The following NUCB2 variants were observed in gnomAD, a reference collection of about 807,000 sequenced individuals.
The protein encoded by NUCB2 is nucleobindin 2.
A neutral mutation model predicts 57.9 loss-of-function variants in NUCB2; 48 were observed. The ratio of observed to expected loss-of-function variants is 0.83; its 90% CI spans 0.66 to 1.05. NUCB2 has a LOEUF of 1.05. Among genes scored for constraint, NUCB2 ranks in the 50% least tolerant of loss-of-function variants. The pLI is 0.00. For missense variants in NUCB2, 442 were observed against 476.2 expected (o/e 0.93, Z 0.67); for synonymous variants, 139 against 152.1 (o/e 0.91, Z 0.64).
rs1167995024 is a variant in NUCB2 at position 17,288,882 on chromosome 11, TACACACACACACACACACACAC to T, written c.-1+5987_-1+6008del. ...TAAAGTCTATTTAATAACATGTATATACACACACACACACACACACACACACACACACACACACACACACACA... is the reference window on the plus strand; with the variant it reads ...TAAAGTCTATTTAATAACATGTATATACACACACACACACACACACACACA... On this transcript the variant is annotated intron_variant, in intron 2 of 13. Transcript: ENST00000529010. Among the ~76,000 whole-genome samples the T allele has an allele frequency of 5.1e-3, 229 of 44,672 alleles. 25 individuals are homozygous for T. In the East Asian group the frequency reaches 0.081, roughly 16 times the overall value. 29.3% of individuals were successfully genotyped at this position (44,672 alleles called of 152,430 possible).
At chr11:17,292,875 G>T (rs1022822048) in intron 2 of NUCB2, among the ~76,000 whole-genome samples, 1 of 152,196 alleles carries the variant, frequency 6.6e-6, no homozygotes, top group African/African-American at 2.4e-5. Context: ...TAAGCATGGG[G>T]ATCAATTAAA....
chr11:17,317,264 T>C (rs1949376955), intron 11 of NUCB2, among the ~76,000 whole-genome samples: 1 of 152,148 alleles, frequency 6.6e-6, no homozygotes, highest in Non-Finnish European at 1.5e-5. Context: ...GTATAACATA[T>C]AATTATGTTG....
At chr11:17,344,901 G>C (rs553268273) in intron 2 of NUCB2, among the ~76,000 whole-genome samples, 2 of 152,320 alleles carry the variant, frequency 1.3e-5, no homozygotes, top group Admixed American at 6.5e-5. Flanking sequence ...GAATGGAAGA[G>C]CTCTGGAGGC....
chr11:17,310,356 G>A (rs886914054), intron 6 of NUCB2, among the ~76,000 whole-genome samples: 5 of 152,014 alleles, frequency 3.3e-5, no homozygotes, highest in African/African-American at 1.2e-4. Context: ...GACTAAAATT[G>A]CTGGGCATGG....
chr11:17,310,708 A>G, intron 6 of NUCB2, 117 bp from the exon 7 acceptor site: 2 of 656,874 alleles, frequency 3.0e-6, no homozygotes, highest in Non-Finnish European at 5.1e-6. Flanking sequence ...GGAGTCCAGT[A>G]TGTTTTTGCC....
chr11:17,308,251 G>T (rs10766383), intron 5 of NUCB2, among the ~76,000 whole-genome samples: 35,895 of 151,928 alleles, frequency 0.24, 4,959 homozygotes, highest in East Asian at 0.5. Flanking sequence ...TTCTTAAGGG[G>T]CAACTATATT....
chr11:17,319,296 A>G (rs1274638069), intron 11 of NUCB2, among the ~76,000 whole-genome samples: 2 of 152,208 alleles, frequency 1.3e-5, no homozygotes, highest in Non-Finnish European at 2.9e-5. Context: ...AGACTTGGCC[A>G]GTGAGAGTTT....
intron 2 of NUCB2, among the ~76,000 whole-genome samples, chr11:17,348,941 G>A (rs1021366041): frequency 6.6e-6 from 1 of 152,026 alleles, no homozygotes; most frequent in Non-Finnish European, 1.5e-5. Flanking sequence ...CACCACACCT[G>A]GCTAAGTTTT....
downstream of NUCB2, chr11:17,334,450 C>A: frequency 6.6e-6 from 1 of 152,414 alleles, no homozygotes; most frequent in Non-Finnish European, 1.5e-5. Flanking sequence ...CCTCTGTCCC[C>A]ACGTTACTTG....
At chr11:17,334,313 C>T (rs1255794659), downstream of NUCB2, 3 of 152,300 alleles carry the variant, frequency 2.0e-5, no homozygotes, top group African/African-American at 4.8e-5. Context: ...GAAAGAGCTG[C>T]TGCTTTTAGA....
chr11:17,348,873 G>C (rs543084399), intron 2 of NUCB2, among the ~76,000 whole-genome samples: 1 of 151,712 alleles, frequency 6.6e-6, no homozygotes, highest in Non-Finnish European at 1.5e-5. Flanking sequence ...TCCGCTTCCC[G>C]GGTTCAAGTG....
At position 17,330,381 on chromosome 11, in the gene NUCB2, G is replaced by A; in HGVS notation, c.1173+84G>A. On this transcript the variant is annotated intron_variant, in intron 12 of 13. Transcript: ENST00000529010. The surrounding 1 kb of genome is among the most constrained non-coding windows in gnomAD (Gnocchi z 4.3). ...CTGTGTTTTTGTAACATATTTCATT[G>A]TACTATATAGTACACTGCTATAGCT... The A allele has an allele frequency of 4.5e-6, 4 of 885,878 alleles. No homozygotes were observed. The highest frequency in any genetic ancestry group is 5.2e-5 in the East Asian group (2 of 38,484). The allele number at this position is 885,878 out of a possible 1,614,324, so 54.9% of individuals were successfully genotyped here.
chr11:17,339,388 A>G (rs1278280400), intron 2 of NUCB2, among the ~76,000 whole-genome samples: 1 of 152,110 alleles, frequency 6.6e-6, no homozygotes, highest in East Asian at 1.9e-4. Flanking sequence ...TTTAGGGTTC[A>G]TGTGCACAAC....
chr11:17,292,359 A>G (rs1475059109), intron 2 of NUCB2, among the ~76,000 whole-genome samples: 1 of 152,094 alleles, frequency 6.6e-6, no homozygotes, highest in Non-Finnish European at 1.5e-5. Flanking sequence ...TACCTTTGAG[A>G]TGAGCATTCT....
chr11:17,313,534 C>G (rs1276558524), intron 10 of NUCB2, among the ~76,000 whole-genome samples: 1 of 152,036 alleles, frequency 6.6e-6, no homozygotes, highest in East Asian at 1.9e-4. Context: ...CATCTCAAAA[C>G]CAAACCAAAG....
chr11:17,346,804 T>G (rs148817759), intron 2 of NUCB2, among the ~76,000 whole-genome samples: 2 of 152,352 alleles, frequency 1.3e-5, no homozygotes, highest in African/African-American at 4.8e-5. Context: ...TAAACTAATC[T>G]GCAAATTTTG....
chr11:17,313,465 G>T (rs2138998551), intron 10 of NUCB2, among the ~76,000 whole-genome samples: 1 of 152,220 alleles, frequency 6.6e-6, no homozygotes, highest in African/African-American at 2.4e-5. Context: ...AGGCGGCAGA[G>T]TTTGCAGTGA....
chr11:17,347,501 A>G (rs951798392), intron 2 of NUCB2, among the ~76,000 whole-genome samples: 1 of 152,192 alleles, frequency 6.6e-6, no homozygotes, highest in African/African-American at 2.4e-5. Flanking sequence ...AAACATTGTG[A>G]TCCCTTACCC....
At chr11:17,349,885 A>G (rs531889766) in exon 3 of NUCB2, 2 of 152,348 alleles carry the variant, frequency 1.3e-5, no homozygotes, top group Admixed American at 1.3e-4. Context: ...GCAATGTGTC[A>G]TAAAAATGAC....
Sources: gnomAD v4.1 joint callset for allele counts (sites outside exome capture counted in the v4.1 genomes callset) on GRCh38, gnomAD v4.1.1 for gene constraint, Gnocchi (gnomAD v3.1) non-coding constraint, MANE v1.5 for transcripts, NCBI Gene and HGNC (gene_info 2026-07-23, HGNC 2026-07-21) for gene names.